HAUS7: variants seen among roughly 807,000 people sequenced by gnomAD.
HAUS7 encodes HAUS augmin-like complex subunit 7.
HAUS7 carries 3 observed loss-of-function variants against 28.4 expected under a neutral mutation model. The ratio of observed to expected loss-of-function variants is 0.11; its 90% CI spans 0.05 to 0.27. The LOEUF (loss-of-function observed/expected upper bound fraction) is 0.27. Ranked by LOEUF, HAUS7 falls within the 10% of genes least tolerant of loss-of-function variation. The probability of loss-of-function intolerance (pLI) is 1.00; values close to 1 mark genes in which losing one functional copy is unlikely to be tolerated. For synonymous variants in HAUS7, 165 were observed against 132.1 expected (o/e 1.25, Z -1.71); for missense variants, 284 against 297.3 (o/e 0.96, Z 0.33).
At chrX:153,473,430 C>T (rs2089542272), upstream of HAUS7, among the ~76,000 whole-genome samples, 1 of 113,095 alleles carries the variant, frequency 8.8e-6, no homozygotes, top group Admixed American at 9.2e-5. Context: ...GGGGCCACTT[C>T]GACTCCCGGC....
rs782058868 is a variant in HAUS7 at position 153,482,568 on chromosome X, C to T, written c.-588-11423G>A. 6 of 720,336 alleles carry T rather than the reference C, an allele frequency of 8.3e-6. No homozygotes were observed. In the Admixed American group the frequency reaches 2.6e-4, roughly 31 times the overall value. The allele number at this position is 720,336 out of a possible 1,213,427, so 59.4% of individuals were successfully genotyped here. A position where few individuals can be genotyped will look rare whatever the true frequency, so the allele number is the denominator to read the frequency against. On this transcript the variant is annotated intron_variant, in intron 1 of 5. Transcript: ENST00000370210. Reference sequence around the variant, plus strand: ...GGGTCTGCCCTCTAGGAGGCACACTCGGGAGAGTGCCCAGGGCAGCCTGGC... The same window carrying T: ...GGGTCTGCCCTCTAGGAGGCACACTTGGGAGAGTGCCCAGGGCAGCCTGGC...
chrX:153,464,707 G>C (rs1222681487), intron 3 of HAUS7, among the ~76,000 whole-genome samples: 4 of 112,399 alleles, frequency 3.6e-5, no homozygotes, highest in Admixed American at 9.4e-5. Context: ...CCTGTAGAGA[G>C]CGTGTCACAC....
chrX:153,467,801 G>A (rs935984275), intron 2 of HAUS7, among the ~76,000 whole-genome samples: 2 of 112,842 alleles, frequency 1.8e-5, no homozygotes, highest in Non-Finnish European at 3.7e-5. Context: ...ATGACAGCAG[G>A]CCAAGAGTGC....
intron 1 of HAUS7, chrX:153,486,858 T>G: frequency 1.0e-6 from 1 of 953,549 alleles, no homozygotes; most frequent in Non-Finnish European, 1.4e-6. Flanking sequence ...CTCGAGGGGG[T>G]GGAGGGGCAG....
chrX:153,494,425 C>A (rs868939948), intron 1 of HAUS7, among the ~76,000 whole-genome samples: 1 of 111,988 alleles, frequency 8.9e-6, no homozygotes, highest in Admixed American at 9.3e-5. Flanking sequence ...GGGCACAGGG[C>A]GCCAGGAGCC....
At chrX:153,461,974 C>A (rs1002788794) in intron 4 of HAUS7, 78 of 455,776 alleles carry the variant, frequency 1.7e-4, no homozygotes, top group African/African-American at 1.7e-3. Flanking sequence ...CTCCCTAAAT[C>A]GTAGAAAACC....
At chrX:153,480,547 A>G (rs1391063274) in intron 1 of HAUS7, 2 of 750,421 alleles carry the variant, frequency 2.7e-6, no homozygotes, top group African/African-American at 4.6e-5. Flanking sequence ...GAAAGGAGGC[A>G]AGGCCCCCAG....
Position 153,456,627 on chromosome X carries a change from G to A in HAUS7, c.471C>T (p.Thr157=), listed in dbSNP as rs140101665. The A allele has an allele frequency of 6.8e-6, 8 of 1,179,957 alleles. No individual in the cohort carries two copies. The East Asian group carries it at 2.2e-4, about 32-fold the overall frequency. ...CSSLMEHFED[T]REKNEALLGE... is the part of the protein sequence containing the mutation. ...CCAGCAAGGCCTCGTTCTTCTCCCT[G>A]GTGTCCTCGAAGTGCTCCATCAGGC... Residue 157 remains threonine, a synonymous_variant, in exon 6 of 10, where the codon ACC becomes ACT. Coordinates refer to ENST00000370211, the MANE Select transcript of HAUS7 (RefSeq NM_001385482.1).
At chrX:153,489,936 C>G (rs964208886) in intron 1 of HAUS7, among the ~76,000 whole-genome samples, 6 of 113,020 alleles carry the variant, frequency 5.3e-5, no homozygotes, top group African/African-American at 1.9e-4. Flanking sequence ...GCCACCATGG[C>G]CACACGGGGA....
chrX:153,475,563 A>G (rs1204284619), upstream of HAUS7, among the ~76,000 whole-genome samples: 3 of 112,408 alleles, frequency 2.7e-5, no homozygotes, highest in Non-Finnish European at 5.6e-5. Flanking sequence ...GGAAGAGGGC[A>G]TGGAAAATGG....
chrX:153,466,556 C>T (rs1184433480), intron 2 of HAUS7, among the ~76,000 whole-genome samples: 1 of 111,932 alleles, frequency 8.9e-6, no homozygotes, highest in African/African-American at 3.3e-5. Flanking sequence ...GATGAAAAGG[C>T]GGCCCTAAAT....
chrX:153,485,877 T>A (rs781787335), intron 1 of HAUS7: 3 of 922,081 alleles, frequency 3.3e-6, no homozygotes, highest in Non-Finnish European at 4.1e-6. Context: ...ATCGAGCGCA[T>A]CCCTGGCTAC....
chrX:153,467,724 G>A (rs1290889315), intron 2 of HAUS7, among the ~76,000 whole-genome samples: 2 of 112,672 alleles, frequency 1.8e-5, no homozygotes, highest in East Asian at 5.5e-4. Flanking sequence ...GCACACAGGT[G>A]CAGCCTGGAG....
At chrX:153,481,301 T>G (rs2089598250) in intron 1 of HAUS7, 1 of 711,104 alleles carries the variant, frequency 1.4e-6, no homozygotes, top group South Asian at 6.9e-5. Context: ...GGCAAGCCCC[T>G]GTTCCTCAGT....
intron 1 of HAUS7, among the ~76,000 whole-genome samples, chrX:153,483,028 A>G (rs1199139250): frequency 8.8e-6 from 1 of 113,213 alleles, no homozygotes; most frequent in Admixed American, 9.2e-5. Context: ...CTAACCTTCC[A>G]GAAGCCCACA....
chrX:153,481,668 C>T (rs1556987342), intron 1 of HAUS7: 1 of 753,314 alleles, frequency 1.3e-6, no homozygotes, highest in Non-Finnish European at 1.6e-6. Context: ...CTCCTCGCCC[C>T]ACACCCACCC....
At chrX:153,470,372 C>T (rs2089505763) in intron 1 of HAUS7, 78 bp downstream of exon 1, 3 of 1,056,455 alleles carry the variant, frequency 2.8e-6, no homozygotes, top group Non-Finnish European at 3.9e-6. Flanking sequence ...CGCGGACTTC[C>T]GCAGCAAGCC....
At chrX:153,490,939 G>A (rs1166814730) in intron 1 of HAUS7, among the ~76,000 whole-genome samples, 3 of 111,882 alleles carry the variant, frequency 2.7e-5, no homozygotes, top group Non-Finnish European at 3.8e-5. Context: ...TGTCTGCCTC[G>A]CCCACTGCAG....
chrX:153,469,866 A>T (rs1171625940), intron 1 of HAUS7, among the ~76,000 whole-genome samples: 1 of 110,916 alleles, frequency 9.0e-6, no homozygotes, highest in Admixed American at 9.5e-5. Flanking sequence ...AGGGAAAGGG[A>T]GAGGGACCAC....
Sources: allele counts gnomAD v4.1 joint callset (sites outside exome capture counted in the v4.1 genomes callset), GRCh38; gene constraint gnomAD v4.1.1; transcripts MANE v1.5; gene names NCBI Gene and HGNC (gene_info 2026-07-23, HGNC 2026-07-21).